DENND1B: variants seen among roughly 807,000 people sequenced by gnomAD.
The protein encoded by DENND1B is DENN domain-containing protein 1B.
A neutral mutation model predicts 90.1 loss-of-function variants in DENND1B; 59 were observed. That is an observed-to-expected ratio of 0.65 (90% CI 0.53 to 0.81). DENND1B has a LOEUF of 0.81. DENND1B is among the 40% of genes least tolerant of loss of function. DENND1B has a pLI of 0.00. For synonymous variants in DENND1B, 337 were observed against 324.6 expected, an observed-to-expected ratio of 1.04 and a Z score of -0.41; for missense variants, 862 against 912.6, an observed-to-expected ratio of 0.94 and a Z score of 0.71.
intron 15 of DENND1B, among the ~76,000 whole-genome samples, chr1:197,573,932 T>C (rs570143875): frequency 1.3e-5 from 2 of 152,260 alleles, no homozygotes; most frequent in Admixed American, 1.3e-4. Flanking sequence ...CAATAAGGTA[T>C]TGATGGAACA....
rs1433050899 is a variant in DENND1B at position 197,775,126 on chromosome 1, C to A, written c.17+13G>T. 6 of 1,279,722 alleles carry A rather than the reference C, an allele frequency of 4.7e-6. No homozygotes were observed. Among genetic ancestry groups the A allele is most frequent in the Admixed American group, 3.3e-5 (1 of 30,184 alleles). The allele number at this position is 1,279,722 out of a possible 1,614,324, so 79.3% of individuals were successfully genotyped here. On this transcript the variant is annotated intron_variant, in intron 1 of 22. Transcript: ENST00000620048. ...GACGCCCGCCCCCGACGCGCCCGGGCCCCCCCACTCACTTGGTCCTGCAGT... is the reference window on the plus strand; with the variant it reads ...GACGCCCGCCCCCGACGCGCCCGGGACCCCCCACTCACTTGGTCCTGCAGT...
chr1:197,528,855 T>G (rs1669340137), intron 20 of DENND1B, among the ~76,000 whole-genome samples: 1 of 89,688 alleles, frequency 1.1e-5, no homozygotes, highest in Non-Finnish European at 3.0e-5. Flanking sequence ...GCGAGACTCA[T>G]CTCAAAAAAA....
intron 3 of DENND1B, among the ~76,000 whole-genome samples, chr1:197,680,611 G>A (rs527755680): frequency 7.9e-5 from 12 of 152,188 alleles, no homozygotes; most frequent in Admixed American, 3.3e-4. Context: ...GAAAATAGAT[G>A]TGTGCAACCC....
chr1:197,610,921 T>C (rs1677128269), intron 12 of DENND1B, among the ~76,000 whole-genome samples: 1 of 150,832 alleles, frequency 6.6e-6, no homozygotes. Flanking sequence ...CCTAGCATTT[T>C]GTGATAAGAA....
chr1:197,760,385 C>A (rs1440891821), intron 2 of DENND1B, among the ~76,000 whole-genome samples: 1 of 152,100 alleles, frequency 6.6e-6, no homozygotes, highest in Non-Finnish European at 1.5e-5. Flanking sequence ...CATAGTGGCT[C>A]ACACCTATAA....
intron 6 of DENND1B, among the ~76,000 whole-genome samples, chr1:197,653,382 C>A (rs1653451725): frequency 6.6e-6 from 1 of 151,932 alleles, no homozygotes; most frequent in Non-Finnish European, 1.5e-5. Flanking sequence ...ATGAAGTATA[C>A]CATAGAAAAT....
intron 12 of DENND1B, among the ~76,000 whole-genome samples, chr1:197,608,629 A>C (rs1285109423): frequency 6.6e-6 from 1 of 150,596 alleles, no homozygotes; most frequent in African/African-American, 2.4e-5. Context: ...TCATTTTATG[A>C]CAGAAACTAT....
intron 20 of DENND1B, among the ~76,000 whole-genome samples, chr1:197,535,694 C>T (rs2125642995): frequency 6.6e-6 from 1 of 152,316 alleles, no homozygotes; most frequent in Middle Eastern, 3.4e-3. Context: ...TCTCTGAGAA[C>T]TGCTTCCCCT....
intron 1 of DENND1B, 117 bp from the exon 2 acceptor site, chr1:197,773,049 T>C: frequency 1.2e-6 from 1 of 823,144 alleles, no homozygotes; most frequent in South Asian, 1.5e-5. Context: ...CACGTGACTG[T>C]ATTACTACAG....
intron 5 of DENND1B, among the ~76,000 whole-genome samples, chr1:197,660,392 C>T (rs1235355079): frequency 2.6e-5 from 4 of 151,868 alleles, no homozygotes; most frequent in African/African-American, 7.2e-5. Flanking sequence ...AAAAATATTA[C>T]ACTATCAGGC....
chr1:197,714,990 A>C lies in DENND1B; in HGVS notation c.126+41T>G, dbSNP rs779984825. ...CAGTAATAGTAGCAACAATCATAAT[A>C]CTTCAACTTTAAATTTTTTAAAAAA... On this transcript the variant is annotated intron_variant, in intron 3 of 22. Transcript: ENST00000620048. The C allele has an allele frequency of 6.8e-6, 10 of 1,475,550 alleles. No homozygotes were observed. The South Asian group carries it at 1.2e-4, about 17-fold the overall frequency. The allele number at this position is 1,475,550 out of a possible 1,614,324, so 91.4% of individuals were successfully genotyped here.
chr1:197,512,145 T>C (rs1314945000), intron 21 of DENND1B, among the ~76,000 whole-genome samples: 1 of 151,732 alleles, frequency 6.6e-6, no homozygotes, highest in Non-Finnish European at 1.5e-5. Flanking sequence ...AAATAAAAAG[T>C]TTACGGTACC....
chr1:197,534,407 C>T (rs147756644), intron 20 of DENND1B, among the ~76,000 whole-genome samples: 4,367 of 152,260 alleles, frequency 0.029, 104 homozygotes, highest in Non-Finnish European at 0.044. Context: ...AAACAAAAGT[C>T]TTTGTCTCTG....
At chr1:197,658,411 G>A (rs1045657271) in intron 5 of DENND1B, 42 bp from the exon 6 acceptor site, 3 of 1,317,674 alleles carry the variant, frequency 2.3e-6, no homozygotes, top group African/African-American at 2.9e-5. Flanking sequence ...ATAAAATTCA[G>A]AATCAGAAAA....
intron 6 of DENND1B, among the ~76,000 whole-genome samples, chr1:197,655,359 A>G (rs1653695343): frequency 1.3e-5 from 2 of 152,192 alleles, no homozygotes; most frequent in African/African-American, 4.8e-5. Context: ...GAGATAGAAC[A>G]GTTCCAATTC....
Position 197,510,553 on chromosome 1 carries a change from C to A in DENND1B, c.2235G>T (p.Leu745=), listed in dbSNP as rs1667950420. The change falls in exon 23 of 23, where the codon CTG becomes CTT. Residue 745 remains leucine, a synonymous_variant. Transcript: ENST00000620048. ...GACATAATGACACTACTTCATGGAG[C>A]AGTCCAATATCTTCTGAAGTCTCTT... ...EAKETSEDIG[L]LHEVVSLCHM... 5 of 1,612,474 alleles carry A rather than the reference C, an allele frequency of 3.1e-6. No individual in the cohort carries two copies. Among genetic ancestry groups the A allele is most frequent in the African/African-American group, 1.3e-5 (1 of 74,776 alleles).
intron 3 of DENND1B, among the ~76,000 whole-genome samples, chr1:197,680,029 A>G (rs1269670070): frequency 6.6e-6 from 1 of 152,074 alleles, no homozygotes; most frequent in African/African-American, 2.4e-5. Context: ...ATGCACCTAT[A>G]GTCCCAGCTG....
At chr1:197,624,737 T>C (rs1678500004) in intron 10 of DENND1B, among the ~76,000 whole-genome samples, 3 of 151,832 alleles carry the variant, frequency 2.0e-5, no homozygotes, top group Middle Eastern at 3.4e-3. Context: ...GGAGGAAATT[T>C]AAACCAAAGG....
At chr1:197,638,549 G>C (rs1226442530) in intron 10 of DENND1B, among the ~76,000 whole-genome samples, 3 of 152,136 alleles carry the variant, frequency 2.0e-5, no homozygotes, top group Non-Finnish European at 4.4e-5. Context: ...TACAATTATA[G>C]AGGCATATGA....
Sources: gnomAD v4.1 joint callset for allele counts (sites outside exome capture counted in the v4.1 genomes callset) on GRCh38, gnomAD v4.1.1 for gene constraint, MANE v1.5 for transcripts, NCBI Gene and HGNC (gene_info 2026-07-23, HGNC 2026-07-21) for gene names.